TANC2: variants seen among roughly 807,000 people sequenced by gnomAD.
TANC2 encodes protein TANC2.
Under a neutral mutation model 210.5 loss-of-function variants are expected in TANC2, and 26 were observed. The ratio of observed to expected loss-of-function variants is 0.12; its 90% CI spans 0.09 to 0.17. The LOEUF (loss-of-function observed/expected upper bound fraction) is 0.17. Among genes scored for constraint, TANC2 ranks in the 10% least tolerant of loss-of-function variants. TANC2 has a pLI of 1.00. For missense variants in TANC2, 2,129 were observed against 2,608.9 expected, an observed-to-expected ratio of 0.82 and a Z score of 4.01; for synonymous variants, 931 against 967.1, an observed-to-expected ratio of 0.96 and a Z score of 0.69.
intron 1 of TANC2, chr17:63,004,948 C>A: frequency 4.8e-6 from 1 of 207,556 alleles, no homozygotes; most frequent in South Asian, 7.8e-5. Context: ...CCCCTTCAAT[C>A]CTTCTCGTGG....
At chr17:63,165,495 C>T (rs921667559) in intron 5 of TANC2, among the ~76,000 whole-genome samples, 6 of 152,194 alleles carry the variant, frequency 3.9e-5, no homozygotes, top group Admixed American at 3.9e-4. Context: ...AAGCTCCCTG[C>T]TGCCCTTCTT....
intron 4 of TANC2, among the ~76,000 whole-genome samples, chr17:63,119,884 A>T (rs971801140): frequency 6.6e-6 from 1 of 151,902 alleles, no homozygotes; most frequent in East Asian, 1.9e-4. Context: ...GCCAGGCATG[A>T]TTGCACATGC....
chr17:63,058,516 G>A (rs1191858113), intron 2 of TANC2, among the ~76,000 whole-genome samples: 1 of 152,048 alleles, frequency 6.6e-6, no homozygotes, highest in Non-Finnish European at 1.5e-5. Context: ...TCCAGAATGG[G>A]ATTACCTAGG....
chr17:62,998,468 G>T (rs2033220971), intron 1 of TANC2, among the ~76,000 whole-genome samples: 1 of 152,126 alleles, frequency 6.6e-6, no homozygotes, highest in Non-Finnish European at 1.5e-5. Flanking sequence ...ATCCTCCAAG[G>T]TTGAACTGAA....
rs2031322118 is a variant in TANC2, at chr17:62,966,246, C to T, written c.-527C>T. On this transcript the variant is annotated 5_prime_UTR_variant, in exon 1 of 28. Coordinates refer to ENST00000689528, the Ensembl canonical transcript of TANC2. The surrounding 1 kb of genome is among the most constrained non-coding windows in gnomAD (Gnocchi z 5.1). ...GCCCCCAGCGCGGCGGCGGCGCTAG[C>T]GAGCGGCCGGCGGGGCGCGGGTTGC... is the stretch of plus-strand genomic sequence containing the variant. 6.8e-6 allele frequency among the ~76,000 whole-genome samples: 1 copy of T among 146,194 alleles called. No individual in the cohort carries two copies. Among genetic ancestry groups the T allele is most frequent in the Admixed American group, 6.8e-5 (1 of 14,744 alleles).
intron 9 of TANC2, among the ~76,000 whole-genome samples, chr17:63,292,840 T>G (rs2044421876): frequency 6.6e-6 from 1 of 152,206 alleles, no homozygotes; most frequent in Non-Finnish European, 1.5e-5. Context: ...TCATTAACCC[T>G]ATTTTAAACA....
At chr17:63,311,855 A>G (rs547414913) in intron 9 of TANC2, among the ~76,000 whole-genome samples, 2 of 152,370 alleles carry the variant, frequency 1.3e-5, no homozygotes, top group African/African-American at 4.8e-5. Context: ...CACATACTCT[A>G]TGATTCTGTT....
chr17:63,019,757 T>A (rs1200675783), intron 2 of TANC2, among the ~76,000 whole-genome samples: 2 of 152,210 alleles, frequency 1.3e-5, no homozygotes, highest in African/African-American at 4.8e-5. Context: ...ATGTACTTAT[T>A]TGCTATTTGC....
intron 3 of TANC2, among the ~76,000 whole-genome samples, chr17:63,098,469 CACACACACACAT>C (rs1260172757): frequency 7.8e-5 from 3 of 38,270 alleles, no homozygotes; most frequent in African/African-American, 1.9e-4. Flanking sequence ...CACACACACA[CACACACACACAT>C]ACACTCTCTC....
chr17:63,222,351 G>A (rs1388712326), intron 7 of TANC2, among the ~76,000 whole-genome samples: 1 of 152,076 alleles, frequency 6.6e-6, no homozygotes, highest in Non-Finnish European at 1.5e-5. Flanking sequence ...CATCAAACTA[G>A]CAAATGTATA....
At chr17:63,109,773 C>T (rs768245405) in intron 4 of TANC2, among the ~76,000 whole-genome samples, 4 of 151,694 alleles carry the variant, frequency 2.6e-5, no homozygotes, top group Non-Finnish European at 5.9e-5. Context: ...TGTAACATAG[C>T]CTGCTCCTTT....
intron 19 of TANC2, among the ~76,000 whole-genome samples, chr17:63,402,389 T>G (rs1432354961): frequency 6.6e-6 from 1 of 152,230 alleles, no homozygotes; most frequent in Non-Finnish European, 1.5e-5. Flanking sequence ...AACCATGAGT[T>G]CTTTGAGAGC....
At chr17:63,187,499 A>C (rs1233094508) in intron 5 of TANC2, among the ~76,000 whole-genome samples, 1 of 152,038 alleles carries the variant, frequency 6.6e-6, no homozygotes. Flanking sequence ...TATTATAGCT[A>C]ATAAAAGTTA....
At chr17:63,414,468 C>T (rs1204956332) in intron 25 of TANC2, among the ~76,000 whole-genome samples, 3 of 152,150 alleles carry the variant, frequency 2.0e-5, no homozygotes, top group African/African-American at 7.2e-5. Flanking sequence ...AGCCCTGGCC[C>T]AACCTTGATT....
chr17:63,245,759 C>A (rs1022280566), intron 8 of TANC2, among the ~76,000 whole-genome samples: 2 of 151,438 alleles, frequency 1.3e-5, no homozygotes, highest in African/African-American at 4.9e-5. Flanking sequence ...CAGAGAATCC[C>A]TTGAACCCGG....
At chr17:62,992,843 A>G (rs186797262) in intron 1 of TANC2, among the ~76,000 whole-genome samples, 5 of 152,366 alleles carry the variant, frequency 3.3e-5, no homozygotes, top group African/African-American at 7.2e-5. Context: ...GCTTAAAACA[A>G]CACAAATGTA....
chr17:63,245,856 AAAAATT>A (rs1297220645), intron 8 of TANC2, among the ~76,000 whole-genome samples: 2 of 151,440 alleles, frequency 1.3e-5, no homozygotes, highest in African/African-American at 4.9e-5. Flanking sequence ...AAAAAAAAAA[AAAAATT>A]ACCTGTGCAT....
intron 9 of TANC2, among the ~76,000 whole-genome samples, chr17:63,276,608 A>G (rs2043882689): frequency 6.6e-6 from 1 of 152,008 alleles, no homozygotes; most frequent in Non-Finnish European, 1.5e-5. Context: ...GACCAATGTC[A>G]GAAAGCTGAA....
chr17:63,069,372 A>G (rs776943084), intron 2 of TANC2, among the ~76,000 whole-genome samples: 2 of 152,104 alleles, frequency 1.3e-5, no homozygotes, highest in East Asian at 1.9e-4. Flanking sequence ...CACTCTTCCA[A>G]TTGTAACAAC....
Sources: allele counts gnomAD v4.1 joint callset (sites outside exome capture counted in the v4.1 genomes callset), GRCh38; gene constraint gnomAD v4.1.1; non-coding constraint Gnocchi (gnomAD v3.1); transcripts MANE v1.5; gene names NCBI Gene and HGNC (gene_info 2026-07-23, HGNC 2026-07-21).